The following PTPRM variants were observed in gnomAD, a reference collection of about 807,000 sequenced individuals.
PTPRM encodes receptor-type tyrosine-protein phosphatase mu.
A neutral mutation model predicts 186.7 loss-of-function variants in PTPRM; 47 were observed. The observed-to-expected ratio is 0.25, with a 90% CI of 0.20 to 0.32. PTPRM has a LOEUF of 0.32. PTPRM is among the 10% of genes least tolerant of loss of function. The pLI is 1.00. For missense variants in PTPRM, 1,494 were observed against 1,865.0 expected (o/e 0.80, Z 3.66); for synonymous variants, 668 against 674.9 (o/e 0.99, Z 0.16).
chr18:8,133,729 G>A (rs2092570561), intron 13 of PTPRM, among the ~76,000 whole-genome samples: 1 of 152,080 alleles, frequency 6.6e-6, no homozygotes. Context: ...AAGGAGGGTG[G>A]CATAATATTA....
chr18:8,051,843 T>C (rs2087523458), intron 7 of PTPRM, among the ~76,000 whole-genome samples: 1 of 152,196 alleles, frequency 6.6e-6, no homozygotes, highest in East Asian at 1.9e-4. Context: ...TCTCTAGGAA[T>C]GCATTTTTCA....
chr18:7,680,728 A>G (rs959102192), intron 1 of PTPRM, among the ~76,000 whole-genome samples: 14 of 151,670 alleles, frequency 9.2e-5, no homozygotes, highest in Admixed American at 8.5e-4. Flanking sequence ...CCAGATACTT[A>G]CTGGTTTTCG....
intron 7 of PTPRM, among the ~76,000 whole-genome samples, chr18:8,007,499 G>C (rs1422619002): frequency 6.6e-6 from 1 of 152,124 alleles, no homozygotes; most frequent in East Asian, 1.9e-4. Flanking sequence ...ACAGTAAATA[G>C]TTTATCTCTT....
chr18:7,947,049 T>G, intron 5 of PTPRM: 1 of 455,774 alleles, frequency 2.2e-6, no homozygotes, highest in Non-Finnish European at 4.4e-6. Context: ...ACTGGGTTAG[T>G]GAGTCTGTTT....
intron 4 of PTPRM, among the ~76,000 whole-genome samples, chr18:7,915,001 T>A (rs913192151): frequency 6.6e-6 from 1 of 152,180 alleles, no homozygotes; most frequent in African/African-American, 2.4e-5. Context: ...TGCACTTTGA[T>A]CTCACAAATT....
At chr18:7,981,095 A>G (rs2082524229) in intron 7 of PTPRM, among the ~76,000 whole-genome samples, 1 of 151,974 alleles carries the variant, frequency 6.6e-6, no homozygotes. Flanking sequence ...CTTCCTGCTT[A>G]TGAAGCACCA....
intron 7 of PTPRM, among the ~76,000 whole-genome samples, chr18:8,032,067 G>A (rs1290169712): frequency 2.0e-5 from 3 of 152,172 alleles, no homozygotes; most frequent in African/African-American, 7.2e-5. Flanking sequence ...GTTGTTCATA[G>A]TATTCTCTTC....
chr18:8,010,288 C>G (rs10853358), intron 7 of PTPRM, among the ~76,000 whole-genome samples: 29 of 152,100 alleles, frequency 1.9e-4, no homozygotes, highest in South Asian at 4.1e-4. Context: ...AGGCATTTCC[C>G]TTTTCAAAAG....
chr18:7,893,279 A>G (rs1446454409), intron 3 of PTPRM, among the ~76,000 whole-genome samples: 1 of 152,210 alleles, frequency 6.6e-6, no homozygotes, highest in African/African-American at 2.4e-5. Flanking sequence ...CTTTTCAAAT[A>G]TCCATGAAAA....
chr18:7,678,615 T>C (rs2039404963), intron 1 of PTPRM, among the ~76,000 whole-genome samples: 1 of 152,204 alleles, frequency 6.6e-6, no homozygotes, highest in South Asian at 2.1e-4. Context: ...AATTTAAATA[T>C]GTACATACAT....
intron 1 of PTPRM, among the ~76,000 whole-genome samples, chr18:7,638,329 A>C (rs764769516): frequency 3.9e-5 from 6 of 152,216 alleles, no homozygotes; most frequent in Non-Finnish European, 8.8e-5. Context: ...TTTCATTTTT[A>C]AATTTATGCT....
At chr18:8,389,984 T>C (rs2095800980) in intron 31 of PTPRM, among the ~76,000 whole-genome samples, 1 of 152,212 alleles carries the variant, frequency 6.6e-6, no homozygotes. Context: ...ATTAAATGGA[T>C]AGAATTAAGA....
At chr18:8,112,985 G>A (rs2091822941) in intron 11 of PTPRM, among the ~76,000 whole-genome samples, 1 of 152,142 alleles carries the variant, frequency 6.6e-6, no homozygotes. Context: ...AGAAAACATA[G>A]GAAGATAAAC....
intron 32 of PTPRM, among the ~76,000 whole-genome samples, chr18:8,395,134 A>C (rs1282356030): frequency 6.6e-6 from 1 of 152,070 alleles, no homozygotes; most frequent in African/African-American, 2.4e-5. Context: ...ATTTTATGAA[A>C]TCTCTTTTTA....
At chr18:8,019,425 C>G (rs2085072301) in intron 7 of PTPRM, among the ~76,000 whole-genome samples, 1 of 152,136 alleles carries the variant, frequency 6.6e-6, no homozygotes, top group Admixed American at 6.6e-5. Flanking sequence ...TTCTTCTACA[C>G]AATTGACAAA....
chr18:7,901,072 A>G (rs1351164366), intron 3 of PTPRM, among the ~76,000 whole-genome samples: 1 of 151,948 alleles, frequency 6.6e-6, no homozygotes, highest in Non-Finnish European at 1.5e-5. Context: ...ATCTTTTTCG[A>G]CCCGGATGCT....
chr18:8,176,365 AAGGC>A (rs2093481976), intron 14 of PTPRM, among the ~76,000 whole-genome samples: 2 of 152,228 alleles, frequency 1.3e-5, no homozygotes, highest in Admixed American at 1.3e-4. Flanking sequence ...GATGTGCCTG[AAGGC>A]AGGGAGTTGG....
chr18:7,659,329 C>T (rs1324360011), intron 1 of PTPRM, among the ~76,000 whole-genome samples: 1 of 152,152 alleles, frequency 6.6e-6, no homozygotes, highest in East Asian at 1.9e-4. Context: ...AGAACAATGT[C>T]TGGCACTTAG....
At chr18:8,317,610 A>G (rs995672618) in intron 21 of PTPRM, among the ~76,000 whole-genome samples, 4 of 152,232 alleles carry the variant, frequency 2.6e-5, no homozygotes. Context: ...CAAGTTGAAA[A>G]GGGAGAACCA....
Sources: gnomAD v4.1 joint callset for allele counts (sites outside exome capture counted in the v4.1 genomes callset) on GRCh38, gnomAD v4.1.1 for gene constraint, MANE v1.5 for transcripts, NCBI Gene and HGNC (gene_info 2026-07-23, HGNC 2026-07-21) for gene names.